Variants in LRFN2 observed in about 807,000 individuals in gnomAD.
LRFN2 encodes leucine-rich repeat and fibronectin type-III domain-containing protein 2.
Under a neutral mutation model 37.3 loss-of-function variants are expected in LRFN2, and 18 were observed. That is an observed-to-expected ratio of 0.48 (90% CI 0.33 to 0.72). The LOEUF (loss-of-function observed/expected upper bound fraction) is 0.72. LRFN2 is among the 30% of genes least tolerant of loss of function. The pLI is 0.02. For synonymous variants in LRFN2, 556 were observed against 466.6 expected, an observed-to-expected ratio of 1.19 and a Z score of -2.47; for missense variants, 1,006 against 1,060.7, an observed-to-expected ratio of 0.95 and a Z score of 0.72.
chr6:40,435,135 A>ATT lies in LRFN2; in HGVS notation c.-18-2006_-18-2005dup, dbSNP rs1455982529. ...TATATATTTTATATATATATTATGT[A>ATT]TTTTATATATATATATACAGAGAGA... On this transcript the variant is annotated intron_variant, in intron 1 of 2. Coordinates refer to ENST00000338305, the MANE Select transcript of LRFN2 (RefSeq NM_020737.3). Among the ~76,000 whole-genome samples, 4 of 122,410 alleles carry ATT rather than the reference A, an allele frequency of 3.3e-5. No homozygotes were observed. The East Asian group carries it at 9.3e-4, about 29-fold the overall frequency. The allele number at this position is 122,410 out of a possible 152,430, so 80.3% of individuals were successfully genotyped here. A position where few individuals can be genotyped will look rare whatever the true frequency, so the allele number is the denominator to read the frequency against.
At chr6:40,550,493 C>G (rs1766755772) in intron 1 of LRFN2, among the ~76,000 whole-genome samples, 1 of 152,118 alleles carries the variant, frequency 6.6e-6, no homozygotes, top group Admixed American at 6.6e-5. Flanking sequence ...AGAAGAGAGG[C>G]CTTCTCTAAT....
intron 1 of LRFN2, among the ~76,000 whole-genome samples, chr6:40,550,355 T>C (rs900456523): frequency 6.0e-5 from 9 of 150,074 alleles, no homozygotes; most frequent in Non-Finnish European, 1.2e-4. Context: ...TACGGACTGG[T>C]AATCTAACGT....
chr6:40,547,349 C>A (rs1053227270), intron 1 of LRFN2, among the ~76,000 whole-genome samples: 1 of 152,118 alleles, frequency 6.6e-6, no homozygotes, highest in Non-Finnish European at 1.5e-5. Flanking sequence ...AGGTGATCTG[C>A]CCACCTTAGC....
intron 1 of LRFN2, among the ~76,000 whole-genome samples, chr6:40,586,299 C>G (rs1767502079): frequency 6.6e-6 from 1 of 152,148 alleles, no homozygotes; most frequent in South Asian, 2.1e-4. Flanking sequence ...ATGGCTAATG[C>G]CACTTTCCAT....
At chr6:40,478,363 T>C (rs1204394638) in intron 1 of LRFN2, among the ~76,000 whole-genome samples, 1 of 152,194 alleles carries the variant, frequency 6.6e-6, no homozygotes, top group Non-Finnish European at 1.5e-5. Flanking sequence ...ACCACCATGG[T>C]TAATATTTGT....
At chr6:40,584,759 T>C (rs1175197056) in intron 1 of LRFN2, among the ~76,000 whole-genome samples, 1 of 151,248 alleles carries the variant, frequency 6.6e-6, no homozygotes, top group African/African-American at 2.4e-5. Context: ...CAGAACCTGC[T>C]CAACCCCACA....
chr6:40,477,048 C>T (rs954445968), intron 1 of LRFN2, among the ~76,000 whole-genome samples: 2 of 152,210 alleles, frequency 1.3e-5, no homozygotes, highest in African/African-American at 4.8e-5. Context: ...TTATCTAGGT[C>T]AGCAGTCTCC....
intron 1 of LRFN2, among the ~76,000 whole-genome samples, chr6:40,481,041 G>A (rs903626741): frequency 6.6e-6 from 1 of 152,192 alleles, no homozygotes; most frequent in African/African-American, 2.4e-5. Flanking sequence ...CCAGTGCCAT[G>A]CTAATTTGAG....
chr6:40,549,709 G>A (rs1766733729), intron 1 of LRFN2, among the ~76,000 whole-genome samples: 1 of 151,524 alleles, frequency 6.6e-6, no homozygotes, highest in Admixed American at 6.6e-5. Flanking sequence ...TCACCAGGAA[G>A]TGTGAATCCC....
At chr6:40,508,362 A>G (rs1478293382) in intron 1 of LRFN2, among the ~76,000 whole-genome samples, 4 of 152,164 alleles carry the variant, frequency 2.6e-5, no homozygotes, top group Non-Finnish European at 5.9e-5. Flanking sequence ...CTGTAGCTGC[A>G]TCACTCTCCC....
intron 1 of LRFN2, among the ~76,000 whole-genome samples, chr6:40,567,278 G>A (rs1456127140): frequency 6.6e-6 from 1 of 152,136 alleles, no homozygotes; most frequent in Non-Finnish European, 1.5e-5. Context: ...AAAGAAAAAG[G>A]CACTTTTTCT....
At chr6:40,398,771 G>A (rs1389870960) in intron 2 of LRFN2, among the ~76,000 whole-genome samples, 1 of 151,850 alleles carries the variant, frequency 6.6e-6, no homozygotes, top group Non-Finnish European at 1.5e-5. Flanking sequence ...CACAAAACAA[G>A]CCTAAGTGGC....
At chr6:40,423,288 C>G (rs1188551715) in intron 2 of LRFN2, among the ~76,000 whole-genome samples, 1 of 152,192 alleles carries the variant, frequency 6.6e-6, no homozygotes, top group East Asian at 1.9e-4. Context: ...TCCAAGTTTA[C>G]AGCTCTGTTG....
chr6:40,439,784 T>A (rs188266225), intron 1 of LRFN2, among the ~76,000 whole-genome samples: 3 of 151,866 alleles, frequency 2.0e-5, no homozygotes, highest in Non-Finnish European at 4.4e-5. Context: ...GCTCAATGAG[T>A]GTGTGTTGGG....
intron 2 of LRFN2, among the ~76,000 whole-genome samples, chr6:40,393,614 C>T (rs1309763559): frequency 6.6e-6 from 1 of 152,054 alleles, no homozygotes; most frequent in African/African-American, 2.4e-5. Context: ...TACTTCCCTC[C>T]TTCATGCCTG....
At chr6:40,561,957 C>A (rs551078838) in intron 1 of LRFN2, among the ~76,000 whole-genome samples, 1 of 152,296 alleles carries the variant, frequency 6.6e-6, no homozygotes, top group East Asian at 1.9e-4. Flanking sequence ...AACCATCAGT[C>A]TTATTCAGCC....
At chr6:40,552,831 T>C (rs1383285723) in intron 1 of LRFN2, among the ~76,000 whole-genome samples, 1 of 152,178 alleles carries the variant, frequency 6.6e-6, no homozygotes, top group East Asian at 1.9e-4. Flanking sequence ...AAGCATCCTT[T>C]AAAAAAATCA....
intron 2 of LRFN2, among the ~76,000 whole-genome samples, chr6:40,421,049 C>T (rs1456298285): frequency 6.6e-6 from 1 of 152,142 alleles, no homozygotes; most frequent in East Asian, 1.9e-4. Flanking sequence ...GAGGGCTGAT[C>T]CCAGGGTTGG....
chr6:40,396,776 G>T (rs1023325692), intron 2 of LRFN2, among the ~76,000 whole-genome samples: 5 of 151,836 alleles, frequency 3.3e-5, no homozygotes, highest in Non-Finnish European at 7.4e-5. Flanking sequence ...GCGGTAGGAG[G>T]AGTTGGGGTG....
Sources: allele counts gnomAD v4.1 joint callset (sites outside exome capture counted in the v4.1 genomes callset), GRCh38; gene constraint gnomAD v4.1.1; transcripts MANE v1.5; gene names NCBI Gene and HGNC (gene_info 2026-07-23, HGNC 2026-07-21).